STAMBP: variants seen among roughly 807,000 people sequenced by gnomAD.
STAMBP encodes STAM binding protein, also known as STAM-binding protein.
STAMBP carries 31 observed loss-of-function variants against 50.7 expected under a neutral mutation model. The observed-to-expected ratio is 0.61, with a 90% CI of 0.46 to 0.83. The LOEUF (loss-of-function observed/expected upper bound fraction) is 0.83. Among genes scored for constraint, STAMBP ranks in the 40% least tolerant of loss-of-function variants. The pLI is 0.00. For missense variants in STAMBP, 472 were observed against 518.9 expected (o/e 0.91, Z 0.88); for synonymous variants, 211 against 192.4 (o/e 1.10, Z -0.80).
At chr2:73,845,283 A>G (rs1558573377) in intron 4 of STAMBP, 21 bp downstream of exon 4, 1 of 1,558,176 alleles carries the variant, frequency 6.4e-7, no homozygotes, top group Admixed American at 1.7e-5. Context: ...AACAGCTAAG[A>G]AGAAAATTAT....
rs777038271 is a variant in STAMBP, at chr2:73,849,415, A to G, written c.795A>G (p.Pro265=). The G allele has an allele frequency of 1.2e-6, 2 of 1,613,996 alleles. No homozygotes were observed. The highest frequency in any genetic ancestry group is 8.5e-7 in the Non-Finnish European group (1 of 1,179,964). The part of the protein sequence containing the change: ...RHVVVPGRLC[P]QFLQLASANT... ...TGGTGGTGCCTGGGCGGCTGTGCCC[A>G]CAGTTTCTCCAGTTAGCCAGTGCCA... Residue 265 remains proline, a synonymous_variant, in exon 6 of 10, where the codon CCA becomes CCG. Coordinates refer to ENST00000394070, the MANE Select transcript of STAMBP (RefSeq NM_213622.4).
downstream of STAMBP, among the ~76,000 whole-genome samples, chr2:73,871,128 A>G (rs1270519155): frequency 6.6e-6 from 1 of 152,130 alleles, no homozygotes; most frequent in Non-Finnish European, 1.5e-5. Flanking sequence ...GTTTACACAA[A>G]TATTTTGGTT....
chr2:73,834,236 A>AATATATATATAT (rs148699255), intron 2 of STAMBP, among the ~76,000 whole-genome samples: 2 of 36,412 alleles, frequency 5.5e-5, no homozygotes, highest in African/African-American at 3.3e-4. Flanking sequence ...AAAAAAAAAA[A>AATATATATATAT]ATATATATAT....
Position 73,860,276 on chromosome 2 carries a change from C to T in STAMBP, c.1218+125C>T. On this transcript the variant is annotated intron_variant, in intron 9 of 9. Coordinates refer to ENST00000394070, the MANE Select transcript of STAMBP (RefSeq NM_213622.4). ...AGCTTTGTCACTTACCTTGCCAGAT[C>T]TCCATAATAAGGACGTACATGAGAA... 2.6e-6 allele frequency: 2 copies of T among 758,762 alleles called. 1 individual carries two copies. The highest frequency in any genetic ancestry group is 3.6e-5 in the South Asian group (2 of 54,886). The allele number at this position is 758,762 out of a possible 1,614,324, so 47.0% of individuals were successfully genotyped here. A position where few individuals can be genotyped will look rare whatever the true frequency, so the allele number is the denominator to read the frequency against.
At chr2:73,857,427 C>A (rs1478738113) in intron 7 of STAMBP, among the ~76,000 whole-genome samples, 4 of 152,144 alleles carry the variant, frequency 2.6e-5, no homozygotes, top group African/African-American at 9.7e-5. Flanking sequence ...TTCCCCCTTC[C>A]CCCTGAGTGC....
At chr2:73,838,131 G>C (rs764218152) in intron 2 of STAMBP, among the ~76,000 whole-genome samples, 17 of 152,212 alleles carry the variant, frequency 1.1e-4, no homozygotes, top group African/African-American at 1.7e-4. Flanking sequence ...TGGACAGTAA[G>C]AAAGTGGAGG....
chr2:73,830,976 A>G lies in STAMBP; in HGVS notation c.120A>G (p.Gly40=). 1 of 1,614,176 alleles carries G rather than the reference A, an allele frequency of 6.2e-7. No individual in the cohort carries two copies. The highest frequency in any genetic ancestry group is 8.5e-7 in the Non-Finnish European group (1 of 1,180,024). Reference sequence around the variant, plus strand: ...CACCCCGTCGGTACTTCCGCTCTGGAGTTGAGATTATCCGAATGGCATCCA... The same window carrying G: ...CACCCCGTCGGTACTTCCGCTCTGGGGTTGAGATTATCCGAATGGCATCCA... The part of the protein sequence containing the change: ...DIPPRRYFRS[G]VEIIRMASIY... Residue 40 remains glycine (G), a synonymous_variant, in exon 2 of 10, where the codon GGA becomes GGG. Transcript: ENST00000394070.
intron 10 of STAMBP, among the ~76,000 whole-genome samples, chr2:73,872,689 G>A (rs1679249374): frequency 1.3e-5 from 2 of 152,204 alleles, no homozygotes; most frequent in South Asian, 4.1e-4. Context: ...TTTAATTTCT[G>A]TATCTTCCAC....
In STAMBP at chr2:73,859,955, CTG is replaced by C. The variant is rs1678124892; in HGVS notation, c.1119-92_1119-91del. On this transcript the variant is annotated intron_variant, in intron 8 of 9. Transcript: ENST00000394070. Reference sequence around the variant, plus strand: ...CTGTCTCACAATGACCTCTGCCCTGCTGTGTGAGTGTGCATGCTGGTGTGTGT... The same window carrying C: ...CTGTCTCACAATGACCTCTGCCCTGCTGTGAGTGTGCATGCTGGTGTGTGT... 3.7e-6 allele frequency: 3 copies of C among 807,916 alleles called. No individual in the cohort carries two copies. In the African/African-American group the frequency reaches 5.2e-5, roughly 14 times the overall value. The allele number at this position is 807,916 out of a possible 1,614,324, so 50.0% of individuals were successfully genotyped here. A position where few individuals can be genotyped will look rare whatever the true frequency, so the allele number is the denominator to read the frequency against.
intron 9 of STAMBP, 64 bp from the exon 10 acceptor site, chr2:73,862,139 G>GAAAA: frequency 2.5e-6 from 3 of 1,209,234 alleles, no homozygotes; most frequent in South Asian, 3.1e-5. Flanking sequence ...CCTATATGAA[G>GAAAA]AAAAAAAAAA....
intron 8 of STAMBP, 73 bp downstream of exon 8, chr2:73,859,439 C>T: frequency 8.3e-7 from 1 of 1,198,738 alleles, no homozygotes; most frequent in Non-Finnish European, 1.2e-6. Context: ...GAAAAGGTCT[C>T]TATTCTTGTG....
At chr2:73,847,045 G>A (rs1208261193) in intron 4 of STAMBP, among the ~76,000 whole-genome samples, 1 of 146,634 alleles carries the variant, frequency 6.8e-6, no homozygotes, top group Non-Finnish European at 1.5e-5. Context: ...TCATGCCATT[G>A]CACTTCAGCC....
chr2:73,855,671 T>G (rs1677461605), intron 7 of STAMBP: 1 of 456,042 alleles, frequency 2.2e-6, no homozygotes, highest in Non-Finnish European at 4.4e-6. Flanking sequence ...TGAAGACTTG[T>G]GTGTGGATTT....
intron 2 of STAMBP, among the ~76,000 whole-genome samples, chr2:73,835,488 T>C (rs72814137): frequency 0.036 from 5,441 of 152,166 alleles, 148 homozygotes; most frequent in Middle Eastern, 0.075. Context: ...CCAATCAATA[T>C]TTAAAGTATA....
chr2:73,845,178 G>T lies in STAMBP; in HGVS notation c.291G>T (p.Glu97Asp), dbSNP rs761552481. 1 of 1,613,884 alleles carries T rather than the reference G, an allele frequency of 6.2e-7. No homozygotes were observed. The highest frequency in any genetic ancestry group is 8.5e-7 in the Non-Finnish European group (1 of 1,179,792). ...EKKDTVKKLK[E>D]IAFPKAEELK... The stretch of plus-strand genomic sequence containing the variant: ...GTTTTGTGTCTCAGAAATTAAAGGA[G>T]ATTGCATTTCCCAAAGCAGAAGAGC... The change falls in exon 4 of 10, where the codon GAG (glutamate) becomes GAT (aspartate). Residue 97 changes from glutamate (E) to aspartate (D), a missense_variant. Glu to Asp is a conservative substitution (Grantham distance 45, BLOSUM62 2). Transcript: ENST00000394070.
chr2:73,843,557 C>T (rs1209410932), intron 2 of STAMBP, among the ~76,000 whole-genome samples: 1 of 151,936 alleles, frequency 6.6e-6, no homozygotes, highest in Non-Finnish European at 1.5e-5. Context: ...GCATGAGCCA[C>T]CGCACCCAGC....
intron 2 of STAMBP, among the ~76,000 whole-genome samples, chr2:73,835,611 A>G (rs1674619468): frequency 6.6e-6 from 1 of 152,154 alleles, no homozygotes; most frequent in Admixed American, 6.6e-5. Context: ...ACATGGAAAG[A>G]GACAGATGGA....
rs189898913 is a variant in STAMBP at position 73,850,859 on chromosome 2, C to T, written c.1005+346C>T. ...ATGCCTACTGTGTACAGATGATGTT[C>T]CTTAAAGGTATATAATTCAAAATAT... On this transcript the variant is annotated intron_variant, in intron 7 of 9. Coordinates refer to ENST00000394070, the MANE Select transcript of STAMBP (RefSeq NM_213622.4). The surrounding 1 kb of genome is among the most constrained non-coding windows in gnomAD (Gnocchi z 4.3). 6.6e-6 allele frequency among the ~76,000 whole-genome samples: 1 copy of T among 152,220 alleles called. No homozygotes were observed. The highest frequency in any genetic ancestry group is 1.9e-4 in the East Asian group (1 of 5,186).
At chr2:73,836,910 C>CTCAG (rs1674783787) in intron 2 of STAMBP, among the ~76,000 whole-genome samples, 1 of 152,168 alleles carries the variant, frequency 6.6e-6, no homozygotes, top group Non-Finnish European at 1.5e-5. Context: ...GTCCCCGGGG[C>CTCAG]TCAGGATTCC....
Sources: gnomAD v4.1 joint callset for allele counts (sites outside exome capture counted in the v4.1 genomes callset) on GRCh38, gnomAD v4.1.1 for gene constraint, Gnocchi (gnomAD v3.1) non-coding constraint, MANE v1.5 for transcripts, NCBI Gene and HGNC (gene_info 2026-07-23, HGNC 2026-07-21) for gene names.